Variants in CADPS observed in about 807,000 individuals in gnomAD.
CADPS encodes the protein calcium-dependent secretion activator 1.
A neutral mutation model predicts 167.3 loss-of-function variants in CADPS; 57 were observed. That is an observed-to-expected ratio of 0.34 (90% confidence interval 0.28 to 0.42). The LOEUF (loss-of-function observed/expected upper bound fraction) is 0.42. Ranked by LOEUF, CADPS falls within the 20% of genes least tolerant of loss-of-function variation. The probability of loss-of-function intolerance (pLI) is 1.00; values close to 1 mark genes in which losing one functional copy is unlikely to be tolerated. For missense variants in CADPS, 1,414 were observed against 1,738.1 expected (o/e 0.81, Z 3.32); for synonymous variants, 676 against 635.3 (o/e 1.06, Z -0.96).
chr3:62,423,578 G>T (rs1288728854), intron 28 of CADPS, among the ~76,000 whole-genome samples: 2 of 152,226 alleles, frequency 1.3e-5, no homozygotes, highest in African/African-American at 4.8e-5. Context: ...CTTGTGGTCA[G>T]AAAGAAAGAG....
Position 62,412,263 on chromosome 3 carries a change from T to A in CADPS, c.3778-9078A>T, listed in dbSNP as rs187542627. Among the ~76,000 whole-genome samples the A allele has an allele frequency of 9.3e-4, 141 of 151,966 alleles. No individual in the cohort carries two copies. Among genetic ancestry groups the A allele is most frequent in the African/African-American group, 3.3e-3 (135 of 41,460 alleles). The stretch of plus-strand genomic sequence containing the variant: ...TTTCAGGATGGCCGGGTCCTAAAGT[T>A]TGGACGGCAGCTCCCTGAGGACTCA... On this transcript the variant is annotated intron_variant, in intron 28 of 29. Transcript: ENST00000383710. This position sits in a 1 kb window ranked among gnomAD's most constrained non-coding sequence, Gnocchi z 4.1.
chr3:62,588,223 G>T (rs1330304603), intron 7 of CADPS, among the ~76,000 whole-genome samples: 1 of 151,572 alleles, frequency 6.6e-6, no homozygotes, highest in Admixed American at 6.6e-5. Context: ...GCATACCCCA[G>T]GAAAGAATCC....
chr3:62,775,612 A>G (rs1229126676), intron 1 of CADPS, among the ~76,000 whole-genome samples: 3 of 152,134 alleles, frequency 2.0e-5, no homozygotes, highest in Non-Finnish European at 4.4e-5. Flanking sequence ...GGCTCCCTCC[A>G]TTTACTTTCT....
At chr3:62,607,932 A>C (rs2060916518) in intron 6 of CADPS, among the ~76,000 whole-genome samples, 1 of 152,218 alleles carries the variant, frequency 6.6e-6, no homozygotes, top group African/African-American at 2.4e-5. Flanking sequence ...AATGCCCTTC[A>C]GTAAGGACTG....
At chr3:62,584,490 T>G (rs2084137415) in intron 8 of CADPS, among the ~76,000 whole-genome samples, 1 of 152,210 alleles carries the variant, frequency 6.6e-6, no homozygotes, top group South Asian at 2.1e-4. Flanking sequence ...AACTTTCCCT[T>G]TTCAGAGTTA....
intron 8 of CADPS, among the ~76,000 whole-genome samples, chr3:62,584,507 TATC>T (rs1347045733): frequency 1.3e-5 from 2 of 152,226 alleles, no homozygotes; most frequent in Non-Finnish European, 2.9e-5. Context: ...GTTACACGAT[TATC>T]ATGTTTTCTG....
rs556995685 is a variant in CADPS, at chr3:62,530,945, C to T, written c.2291+1926G>A. ...ATGAAAAAGCAGGCGCAAATGCATT[C>T]AAACTAAAATAATAAGAAAAAAAGA... On this transcript the variant is annotated intron_variant, in intron 13 of 29. Coordinates refer to ENST00000383710, the MANE Select transcript of CADPS (RefSeq NM_003716.4). 7 of 216,066 alleles carry T rather than the reference C, an allele frequency of 3.2e-5. No individual in the cohort carries two copies. The Admixed American group carries it at 4.5e-4, about 14-fold the overall frequency. 13.4% of individuals were successfully genotyped at this position (216,066 alleles called of 1,614,324 possible).
rs1472769218 is a variant in CADPS at position 62,656,461 on chromosome 3, T to A, written c.970-5381A>T. Among the ~76,000 whole-genome samples, 5 of 152,202 alleles carry A rather than the reference T, an allele frequency of 3.3e-5. No homozygotes were observed. The East Asian group carries it at 9.6e-4, about 29-fold the overall frequency. The stretch of plus-strand genomic sequence containing the variant: ...AGTTACTAGAGTTAAACTTGAAACC[T>A]AGCAGAGTTTTTGTTCTTAGCTATG... On this transcript the variant is annotated intron_variant, in intron 4 of 29. Coordinates refer to ENST00000383710, the MANE Select transcript of CADPS (RefSeq NM_003716.4).
At chr3:62,519,004 T>C (rs1292624977) in intron 13 of CADPS, among the ~76,000 whole-genome samples, 2 of 152,196 alleles carry the variant, frequency 1.3e-5, no homozygotes, top group Non-Finnish European at 2.9e-5. Flanking sequence ...CATATTCTCA[T>C]GGTTCTGTGT....
At chr3:62,779,266 C>G in intron 1 of CADPS, 1 of 348,042 alleles carries the variant, frequency 2.9e-6, no homozygotes. Flanking sequence ...TGCCTTCTGG[C>G]CTTTTGCTTT....
At position 62,602,779 on chromosome 3, in the gene CADPS, T is replaced by C. The variant is rs142512689; in HGVS notation, c.1326-10031A>G. Among the ~76,000 whole-genome samples, 572 of 152,266 alleles carry C rather than the reference T, an allele frequency of 3.8e-3. 6 individuals are homozygous for C. Among genetic ancestry groups the C allele is most frequent in the South Asian group, 9.3e-3 (45 of 4,822 alleles). On this transcript the variant is annotated intron_variant, in intron 6 of 29. Transcript: ENST00000383710. This position sits in a 1 kb window ranked among gnomAD's most constrained non-coding sequence, Gnocchi z 4.4. ...ACGTCTCCTCTCCAGGAGTCTGAGATCAAATGTGTCCAAACCTCAGCTTGA... is the reference window on the plus strand; with the variant it reads ...ACGTCTCCTCTCCAGGAGTCTGAGACCAAATGTGTCCAAACCTCAGCTTGA...
In CADPS at chr3:62,653,045, T is replaced by C. The variant is rs138741716; in HGVS notation, c.970-1965A>G. On this transcript the variant is annotated intron_variant, in intron 4 of 29. Coordinates refer to ENST00000383710, the MANE Select transcript of CADPS (RefSeq NM_003716.4). The stretch of plus-strand genomic sequence containing the variant: ...TCCCCTCTCTCCCTATCTCCCTGCA[T>C]AACTAACAGCCTTGTTTTCATCTTC... Among the ~76,000 whole-genome samples, 170 of 152,262 alleles carry C rather than the reference T, an allele frequency of 1.1e-3. 1 individual carries two copies. The highest frequency in any genetic ancestry group is 3.9e-3 in the African/African-American group (163 of 41,550).
At chr3:62,418,763 A>G (rs910533806) in intron 28 of CADPS, among the ~76,000 whole-genome samples, 4 of 152,038 alleles carry the variant, frequency 2.6e-5, no homozygotes, top group African/African-American at 9.7e-5. Flanking sequence ...ATCAAAATAT[A>G]CCTTCCCCCC....
chr3:62,768,927 T>C (rs1348560423), intron 1 of CADPS, among the ~76,000 whole-genome samples: 1 of 152,178 alleles, frequency 6.6e-6, no homozygotes, highest in Non-Finnish European at 1.5e-5. Context: ...GTTGGGGGCA[T>C]GGACTTCAGC....
rs117208075 is a variant in CADPS, at chr3:62,710,999, A to G, written c.888+42442T>C. ...TGTGCCCCTCCCCCAGAAGCCAGTC[A>G]CTGTTGCTTCTGTAACAGGAAAGCA... is the stretch of plus-strand genomic sequence containing the variant. On this transcript the variant is annotated intron_variant, in intron 3 of 29. Coordinates refer to ENST00000383710, the MANE Select transcript of CADPS (RefSeq NM_003716.4). Among the ~76,000 whole-genome samples the G allele has an allele frequency of 7.8e-4, 119 of 152,224 alleles. No individual in the cohort carries two copies. The East Asian group carries it at 0.014, about 18-fold the overall frequency.
In CADPS at chr3:62,680,483, C is replaced by T. The variant is rs541735501; in HGVS notation, c.889-18089G>A. ...TTGACTTTATTCTCTCATTGTCACACACATCTAATCATTTGCCAAATGCTC... is the reference window on the plus strand; with the variant it reads ...TTGACTTTATTCTCTCATTGTCACATACATCTAATCATTTGCCAAATGCTC... On this transcript the variant is annotated intron_variant, in intron 3 of 29. Coordinates refer to ENST00000383710, the MANE Select transcript of CADPS (RefSeq NM_003716.4). Among the ~76,000 whole-genome samples the T allele has an allele frequency of 3.3e-5, 5 of 152,162 alleles. No homozygotes were observed. The East Asian group carries it at 7.8e-4, about 24-fold the overall frequency.
At chr3:62,743,910 A>G (rs473335) in intron 3 of CADPS, among the ~76,000 whole-genome samples, 30,900 of 152,094 alleles carry the variant, frequency 0.2, 3,243 homozygotes, top group Middle Eastern at 0.23. Flanking sequence ...AAATACATAC[A>G]TATCTACCAC....
At chr3:62,594,379 T>A (rs2086820724) in intron 6 of CADPS, among the ~76,000 whole-genome samples, 1 of 151,992 alleles carries the variant, frequency 6.6e-6, no homozygotes, top group Non-Finnish European at 1.5e-5. Context: ...GCCGGGATGG[T>A]CTCGATCTCC....
chr3:62,583,294 T>C (rs2083858209), intron 8 of CADPS, among the ~76,000 whole-genome samples: 1 of 152,098 alleles, frequency 6.6e-6, no homozygotes, highest in South Asian at 2.1e-4. Flanking sequence ...TCTTGTGTAC[T>C]ACAGAAACCT....
Sources: allele counts gnomAD v4.1 joint callset (sites outside exome capture counted in the v4.1 genomes callset), GRCh38; gene constraint gnomAD v4.1.1; non-coding constraint Gnocchi (gnomAD v3.1); transcripts MANE v1.5; gene names NCBI Gene and HGNC (gene_info 2026-07-23, HGNC 2026-07-21).